Variants in LGSN observed in about 807,000 individuals in gnomAD.
LGSN encodes lengsin.
In LGSN, 21 loss-of-function variants were observed where a neutral mutation model predicts 19.5. That is an observed-to-expected ratio of 1.07 (90% CI 0.76 to 1.55). The LOEUF (loss-of-function observed/expected upper bound fraction) is 1.55. Among genes scored for constraint, LGSN ranks in the 40% most tolerant of loss-of-function variants. The pLI is 0.00. For missense variants in LGSN, 673 were observed against 608.5 expected (o/e 1.11, Z -1.12); for synonymous variants, 257 against 215.6 (o/e 1.19, Z -1.68).
upstream of LGSN, among the ~76,000 whole-genome samples, chr6:63,324,066 C>A (rs571713956): frequency 2.3e-4 from 35 of 152,262 alleles, no homozygotes; most frequent in African/African-American, 8.2e-4. Flanking sequence ...GCCACCGCTT[C>A]CGGCTTGCAT....
At chr6:63,363,506 T>C in the LGSN span, among the ~76,000 whole-genome samples, 1 of 152,156 alleles carries the variant, frequency 6.6e-6, no homozygotes, top group Non-Finnish European at 1.5e-5. Context: ...AGTCCTTAAA[T>C]GACCTGATGG....
intron 1 of LGSN, among the ~76,000 whole-genome samples, chr6:63,296,016 G>T (rs1562011203): frequency 6.6e-6 from 1 of 152,178 alleles, no homozygotes; most frequent in Admixed American, 6.5e-5. Flanking sequence ...TTTCACATCT[G>T]TGGGCAAGTT....
At chr6:63,298,036 A>G (rs1246279032) in intron 1 of LGSN, among the ~76,000 whole-genome samples, 1 of 152,178 alleles carries the variant, frequency 6.6e-6, no homozygotes, top group Non-Finnish European at 1.5e-5. Flanking sequence ...CTCTGAACAT[A>G]TTCTTGTTCT....
At chr6:63,531,145 C>A in the LGSN span, among the ~76,000 whole-genome samples, 2 of 152,176 alleles carry the variant, frequency 1.3e-5, no homozygotes, top group African/African-American at 4.8e-5. Context: ...GTTCTGCCTG[C>A]CTCTTGAGTT....
intron 2 of LGSN, among the ~76,000 whole-genome samples, chr6:63,292,626 AG>A (rs1047410336): frequency 2.0e-5 from 3 of 152,208 alleles, no homozygotes; most frequent in Non-Finnish European, 4.4e-5. Flanking sequence ...CTGGACACCA[AG>A]ACTCAAGTGA....
At chr6:63,418,554 C>T in the LGSN span, among the ~76,000 whole-genome samples, 1 of 151,972 alleles carries the variant, frequency 6.6e-6, no homozygotes, top group African/African-American at 2.4e-5. Context: ...AGCGAGACTC[C>T]GTCTCAAATA....
chr6:63,333,231 G>A, the LGSN span, among the ~76,000 whole-genome samples: 4 of 151,916 alleles, frequency 2.6e-5, no homozygotes, highest in Admixed American at 6.6e-5. Context: ...TTGACAGGGC[G>A]CTGATTGGTG....
rs749982983 is a variant in LGSN at position 63,285,714 on chromosome 6, T to TACA, written c.202_203insTGT (p.Gln68delinsLeuTer). The TACA allele has an allele frequency of 2.5e-6, 4 of 1,613,850 alleles. No individual in the cohort carries two copies. Among genetic ancestry groups the TACA allele is most frequent in the Non-Finnish European group, 2.5e-6 (3 of 1,179,904 alleles). On this transcript the variant is annotated stop_gained and protein_altering_variant, in exon 3 of 4. Coordinates refer to ENST00000370657, the MANE Select transcript of LGSN (RefSeq NM_016571.3). LOFTEE classifies it high-confidence loss of function. ...AATGTGTTTCATTCTAGAAGAGAGTTGAGGTGGGGTCAAAATTTGACTGCT... is the reference window on the plus strand; with the variant it reads ...AATGTGTTTCATTCTAGAAGAGAGTTACAGAGGTGGGGTCAAAATTTGACTGCT...
intron 1 of LGSN, among the ~76,000 whole-genome samples, chr6:63,306,916 T>A (rs1173457472): frequency 6.6e-6 from 1 of 152,204 alleles, no homozygotes; most frequent in Non-Finnish European, 1.5e-5. Context: ...TGATTTAAAA[T>A]GTAAGGTAAG....
chr6:63,394,894 CG>C, the LGSN span: 215 of 152,784 alleles, frequency 1.4e-3, 2 homozygotes, highest in Non-Finnish European at 5.7e-4. Flanking sequence ...GTCAGGCGGT[CG>C]TCTGTGCCTA....
the LGSN span, among the ~76,000 whole-genome samples, chr6:63,401,760 G>A: frequency 6.6e-6 from 1 of 152,190 alleles, no homozygotes; most frequent in Non-Finnish European, 1.5e-5. Flanking sequence ...GTGTTAAAAT[G>A]TATGCGACTG....
chr6:63,289,330 C>T (rs1208058013), intron 2 of LGSN, among the ~76,000 whole-genome samples: 2 of 152,156 alleles, frequency 1.3e-5, no homozygotes, highest in Non-Finnish European at 2.9e-5. Flanking sequence ...TATCCAATCC[C>T]ATTTCATTTT....
At chr6:63,294,822 A>G in intron 2 of LGSN, 91 bp downstream of exon 2, 1 of 1,337,308 alleles carries the variant, frequency 7.5e-7, no homozygotes, top group Non-Finnish European at 1.1e-6. Context: ...GCTTCTCCCA[A>G]AAAAGAAATG....
the LGSN span, among the ~76,000 whole-genome samples, chr6:63,401,837 C>T: frequency 2.0e-5 from 3 of 152,252 alleles, no homozygotes; most frequent in East Asian, 1.9e-4. Flanking sequence ...GGATTACTTA[C>T]GTAAACAGAT....
At chr6:63,293,081 C>T (rs544753649) in intron 2 of LGSN, among the ~76,000 whole-genome samples, 1 of 152,262 alleles carries the variant, frequency 6.6e-6, no homozygotes, top group Non-Finnish European at 1.5e-5. Context: ...TCACAACTCA[C>T]CTCAACCTCC....
chr6:63,441,642 C>A, the LGSN span: 1 of 478,338 alleles, frequency 2.1e-6, no homozygotes, highest in Non-Finnish European at 4.0e-6. Flanking sequence ...CGGGAGAAGG[C>A]AGAGGAGAAA....
At chr6:63,326,513 G>A in the LGSN span, among the ~76,000 whole-genome samples, 2 of 152,226 alleles carry the variant, frequency 1.3e-5, no homozygotes, top group Admixed American at 6.5e-5. Context: ...GGCGCTTGTT[G>A]AGGAGGCTTG....
At chr6:63,478,131 A>G in the LGSN span, among the ~76,000 whole-genome samples, 1 of 152,210 alleles carries the variant, frequency 6.6e-6, no homozygotes, top group Non-Finnish European at 1.5e-5. Flanking sequence ...GTAAAGATTT[A>G]TGGAGTCAAA....
the LGSN span, among the ~76,000 whole-genome samples, chr6:63,533,832 TTTAA>T: frequency 1.5e-4 from 22 of 149,768 alleles, no homozygotes; most frequent in Admixed American, 7.3e-4. Flanking sequence ...AACAAACTTT[TTTAA>T]TTAATTAATT....
Sources: gnomAD v4.1 joint callset for allele counts (sites outside exome capture counted in the v4.1 genomes callset) on GRCh38, gnomAD v4.1.1 for gene constraint, MANE v1.5 for transcripts, NCBI Gene and HGNC (gene_info 2026-07-23, HGNC 2026-07-21) for gene names.